Variants in AFG2A observed in about 807,000 individuals in gnomAD.
The protein encoded by AFG2A is ATPase family gene 2 protein homolog A.
At chr4:123,014,069 G>A in the AFG2A span, among the ~76,000 whole-genome samples, 1 of 152,092 alleles carries the variant, frequency 6.6e-6, no homozygotes, top group Admixed American at 6.5e-5. Flanking sequence ...CATATACTTA[G>A]CTCCTGGGCT....
chr4:123,230,438 T>A, the AFG2A span, among the ~76,000 whole-genome samples: 1 of 151,956 alleles, frequency 6.6e-6, no homozygotes, highest in South Asian at 2.1e-4. Flanking sequence ...TCAGTCATAA[T>A]TTCAGGCTCC....
chr4:123,240,836 A>T, the AFG2A span, among the ~76,000 whole-genome samples: 335 of 152,338 alleles, frequency 2.2e-3, 2 homozygotes, highest in Middle Eastern at 0.014. Flanking sequence ...AAATCAATGA[A>T]TCCAGGAGCT....
chr4:123,214,362 G>A, the AFG2A span, among the ~76,000 whole-genome samples: 1 of 152,076 alleles, frequency 6.6e-6, no homozygotes, highest in African/African-American at 2.4e-5. Context: ...TTTACTGTTA[G>A]TAGAAAGTTT....
chr4:122,945,313 G>T, the AFG2A span, among the ~76,000 whole-genome samples: 1 of 152,218 alleles, frequency 6.6e-6, no homozygotes, highest in South Asian at 2.1e-4. Flanking sequence ...TCCGGGCTGC[G>T]GCTGCTTTGT....
chr4:123,290,791 C>T, the AFG2A span, among the ~76,000 whole-genome samples: 36 of 152,268 alleles, frequency 2.4e-4, no homozygotes, highest in African/African-American at 7.5e-4. Flanking sequence ...CACCTCCCAC[C>T]GGGTTCCTCC....
chr4:122,984,270 T>C, the AFG2A span, among the ~76,000 whole-genome samples: 1 of 152,182 alleles, frequency 6.6e-6, no homozygotes, highest in East Asian at 1.9e-4. Flanking sequence ...TGTTGGTGTA[T>C]AGAAAGCTAC....
the AFG2A span, among the ~76,000 whole-genome samples, chr4:122,978,441 G>A: frequency 6.6e-6 from 1 of 152,208 alleles, no homozygotes; most frequent in South Asian, 2.1e-4. Context: ...TCAGAAGGGA[G>A]GAAGTGCATG....
the AFG2A span, among the ~76,000 whole-genome samples, chr4:123,236,047 A>C: frequency 6.6e-6 from 1 of 152,168 alleles, no homozygotes; most frequent in Non-Finnish European, 1.5e-5. Context: ...CCCATGTGTT[A>C]GTACATAGAT....
the AFG2A span, among the ~76,000 whole-genome samples, chr4:123,050,476 G>A: frequency 2.6e-5 from 4 of 152,072 alleles, no homozygotes; most frequent in Non-Finnish European, 4.4e-5. Context: ...TTATATATTT[G>A]GGTGCTCCAC....
At chr4:123,171,853 T>A in the AFG2A span, among the ~76,000 whole-genome samples, 1 of 152,090 alleles carries the variant, frequency 6.6e-6, no homozygotes, top group Admixed American at 6.5e-5. Flanking sequence ...ATTCCTTGAC[T>A]GTGTGTGACG....
chr4:123,313,917 T>A, the AFG2A span: 3 of 1,607,128 alleles, frequency 1.9e-6, no homozygotes, highest in Non-Finnish European at 2.5e-6. Flanking sequence ...AGGCAGCTCT[T>A]CTGGCTCTGG....
the AFG2A span, among the ~76,000 whole-genome samples, chr4:123,022,376 A>T: frequency 2.6e-5 from 4 of 152,204 alleles, no homozygotes; most frequent in Non-Finnish European, 2.9e-5. Context: ...TGGGCAAAGG[A>T]TATGAACAGA....
the AFG2A span, among the ~76,000 whole-genome samples, chr4:122,958,327 A>G: frequency 3.3e-5 from 5 of 152,134 alleles, no homozygotes; most frequent in Admixed American, 6.5e-5. Flanking sequence ...AGGTGTTTTC[A>G]TTGTTCACCA....
the AFG2A span, chr4:122,934,051 TAAA>T: frequency 1.3e-6 from 2 of 1,499,808 alleles, no homozygotes; most frequent in Non-Finnish European, 1.8e-6. Context: ...ATTAAACTGG[TAAA>T]AAAAATTATG....
chr4:122,969,172 C>T, the AFG2A span, among the ~76,000 whole-genome samples: 1 of 151,730 alleles, frequency 6.6e-6, no homozygotes, highest in African/African-American at 2.4e-5. Context: ...TCTTTTTCTT[C>T]GTGGCTGGTG....
the AFG2A span, among the ~76,000 whole-genome samples, chr4:122,987,659 G>A: frequency 1.3e-4 from 20 of 152,030 alleles, no homozygotes; most frequent in African/African-American, 4.8e-4. Context: ...ATTTTAAGCT[G>A]TTAATAACTT....
At chr4:123,170,784 TTTC>T in the AFG2A span, among the ~76,000 whole-genome samples, 116 of 152,328 alleles carry the variant, frequency 7.6e-4, no homozygotes, top group African/African-American at 2.6e-3. Context: ...GTTTATGATT[TTTC>T]TTCTTTTTTC....
chr4:123,096,363 G>C, the AFG2A span, among the ~76,000 whole-genome samples: 1 of 152,040 alleles, frequency 6.6e-6, no homozygotes, highest in Non-Finnish European at 1.5e-5. Context: ...GGAGAGTTTA[G>C]AAACAAACAA....
At chr4:123,177,909 G>T in the AFG2A span, among the ~76,000 whole-genome samples, 98,506 of 152,014 alleles carry the variant, frequency 0.65, 32,778 homozygotes, top group Non-Finnish European at 0.72. Context: ...CTTTCTTAAT[G>T]GGCTGTGTTC....
Sources: gnomAD v4.1 joint callset for allele counts (sites outside exome capture counted in the v4.1 genomes callset) on GRCh38, gnomAD v4.1.1 for gene constraint, MANE v1.5 for transcripts, NCBI Gene and HGNC (gene_info 2026-07-23, HGNC 2026-07-21) for gene names.